The following ADAM17 variants were observed in gnomAD, a reference collection of about 807,000 sequenced individuals.
ADAM17 encodes the protein disintegrin and metalloproteinase domain-containing protein 17.
A neutral mutation model predicts 96.7 loss-of-function variants in ADAM17; 39 were observed. That is an observed-to-expected ratio of 0.40 (90% CI 0.31 to 0.53). The LOEUF (loss-of-function observed/expected upper bound fraction) is 0.53, where lower values mean the gene tolerates loss of function less well. Among genes scored for constraint, ADAM17 ranks in the 20% least tolerant of loss-of-function variants. The pLI is 0.44. For missense variants in ADAM17, 777 were observed against 1,013.2 expected, an observed-to-expected ratio of 0.77 and a Z score of 3.17; for synonymous variants, 344 against 359.2, an observed-to-expected ratio of 0.96 and a Z score of 0.48.
intron 6 of ADAM17, 65 bp downstream of exon 6, chr2:9,526,046 A>G (rs1664510287): frequency 8.4e-6 from 12 of 1,424,132 alleles, no homozygotes; most frequent in Non-Finnish European, 1.0e-5. Flanking sequence ...GGTTGCATTA[A>G]GTTTCATGGA....
chr2:9,531,659 G>A (rs947330656), intron 4 of ADAM17, among the ~76,000 whole-genome samples: 10 of 152,098 alleles, frequency 6.6e-5, no homozygotes, highest in South Asian at 4.1e-4. Flanking sequence ...CCGAGATTGC[G>A]CCACTGCACT....
intron 1 of ADAM17, among the ~76,000 whole-genome samples, chr2:9,552,379 A>G (rs1392430519): frequency 6.6e-6 from 1 of 152,246 alleles, no homozygotes; most frequent in South Asian, 2.1e-4. Context: ...CTCTTAGACT[A>G]ATATAAAGCA....
At chr2:9,548,002 G>A (rs1477504012) in intron 1 of ADAM17, among the ~76,000 whole-genome samples, 3 of 152,084 alleles carry the variant, frequency 2.0e-5, no homozygotes, top group Admixed American at 6.6e-5. Context: ...AGGAGGCAGA[G>A]GTTGCAGTGA....
chr2:9,490,065 A>G lies in ADAM17; in HGVS notation c.*112T>C. ...CTGCAGGAAGTTCAAACACATGACCAGCATCTGCTAAGTCACTTCCCAGTC... is the reference window on the plus strand; with the variant it reads ...CTGCAGGAAGTTCAAACACATGACCGGCATCTGCTAAGTCACTTCCCAGTC... On this transcript the variant is annotated 3_prime_UTR_variant, in exon 19 of 19. Transcript: ENST00000310823. The G allele has an allele frequency of 9.9e-7, 1 of 1,009,398 alleles. No individual in the cohort carries two copies. The allele number at this position is 1,009,398 out of a possible 1,614,324, so 62.5% of individuals were successfully genotyped here. A position where few individuals can be genotyped will look rare whatever the true frequency, so the allele number is the denominator to read the frequency against.
At chr2:9,491,506 C>T (rs1262102927) in intron 17 of ADAM17, among the ~76,000 whole-genome samples, 1 of 152,232 alleles carries the variant, frequency 6.6e-6, no homozygotes, top group Non-Finnish European at 1.5e-5. Flanking sequence ...TACACCAGGA[C>T]CGCACTGACT....
intron 10 of ADAM17, among the ~76,000 whole-genome samples, chr2:9,515,080 CTA>C (rs1295684761): frequency 1.2e-4 from 19 of 152,100 alleles, no homozygotes; most frequent in African/African-American, 4.6e-4. Flanking sequence ...GCTGTATATT[CTA>C]TGTGTTTCAA....
intron 1 of ADAM17, among the ~76,000 whole-genome samples, chr2:9,554,943 A>G (rs977993062): frequency 1.1e-4 from 16 of 152,126 alleles, no homozygotes; most frequent in African/African-American, 2.2e-4. Context: ...ATAAGCTACA[A>G]TTGAAATAAC....
intron 11 of ADAM17, chr2:9,506,934 T>C (rs969314840): frequency 6.6e-6 from 1 of 152,146 alleles, no homozygotes; most frequent in African/African-American, 2.4e-5. Flanking sequence ...TCCCTGAAGA[T>C]CTGGCAGCTT....
intron 2 of ADAM17, among the ~76,000 whole-genome samples, chr2:9,538,559 T>C (rs1005430608): frequency 1.6e-4 from 25 of 152,238 alleles, no homozygotes; most frequent in Admixed American, 8.5e-4. Context: ...AGCATACTTA[T>C]TATAAATGTC....
chr2:9,509,127 C>T (rs1170001658), intron 11 of ADAM17, among the ~76,000 whole-genome samples: 1 of 152,066 alleles, frequency 6.6e-6, no homozygotes, highest in Non-Finnish European at 1.5e-5. Context: ...GCACATTAGC[C>T]CACAGCCAAG....
At chr2:9,516,909 T>C (rs1664086799) in intron 10 of ADAM17, among the ~76,000 whole-genome samples, 1 of 152,156 alleles carries the variant, frequency 6.6e-6, no homozygotes, top group African/African-American at 2.4e-5. Flanking sequence ...CCACATTCCG[T>C]TGAGGCTAAG....
At chr2:9,504,007 T>C (rs544866556) in intron 12 of ADAM17, among the ~76,000 whole-genome samples, 118 of 151,380 alleles carry the variant, frequency 7.8e-4, no homozygotes, top group African/African-American at 2.8e-3. Context: ...ACAAAAAAAA[T>C]TAGCCAGGTG....
intron 12 of ADAM17, among the ~76,000 whole-genome samples, 184 bp downstream of exon 12, chr2:9,504,982 G>A (rs973915931): frequency 6.6e-6 from 1 of 152,168 alleles, no homozygotes; most frequent in African/African-American, 2.4e-5. Context: ...GGGATGACAG[G>A]AGTGAGCCAC....
At chr2:9,514,520 T>TAA (rs1360536732) in intron 10 of ADAM17, among the ~76,000 whole-genome samples, 11 of 2,742 alleles carry the variant, frequency 4.0e-3, no homozygotes, top group Admixed American at 6.5e-3. Context: ...AAAATATAAA[T>TAA]ATATATATAT....
chr2:9,502,028 A>T (rs1478431054), intron 13 of ADAM17, 145 bp downstream of exon 13: 2 of 707,802 alleles, frequency 2.8e-6, no homozygotes, highest in Non-Finnish European at 4.8e-6. Context: ...GCCAAGTGTC[A>T]CAAACTAAGG....
intron 13 of ADAM17, 109 bp downstream of exon 13, chr2:9,502,064 T>G: frequency 2.6e-5 from 25 of 976,802 alleles, no homozygotes; most frequent in Non-Finnish European, 3.9e-5. Context: ...ACCCGGCATA[T>G]GAGATTAAAA....
intron 4 of ADAM17, among the ~76,000 whole-genome samples, chr2:9,533,333 G>A (rs1171698704): frequency 6.6e-6 from 1 of 152,150 alleles, no homozygotes; most frequent in African/African-American, 2.4e-5. Context: ...CAGATCATGA[G>A]GTCAGGAGAT....
In ADAM17 at chr2:9,490,210, C is replaced by G. The variant is rs1662007729; in HGVS notation, c.2442G>C (p.Gln814His). 1.1e-5 allele frequency: 17 copies of G among 1,599,720 alleles called. No homozygotes were observed. The highest frequency in any genetic ancestry group is 1.5e-5 in the Non-Finnish European group (17 of 1,167,702). Residue 814 changes from glutamine (Q) to histidine (H), a missense_variant, in exon 19 of 19, where the codon CAG becomes CAC. Gln to His is a conservative substitution (Grantham distance 24, BLOSUM62 0). This residue lies in a region of ADAM17 where 197 missense variants were observed against 219.4 expected (regional missense o/e 0.90). Coordinates refer to ENST00000310823, the MANE Select transcript of ADAM17 (RefSeq NM_003183.6). ...EKAASFKLQR[Q>H]NRVDSKETEC Reference sequence around the variant, plus strand: ...CTGTTTCTTTGCTGTCAACACGATTCTGACGCTGCAGTTTAAAGGAGGCAG... The same window carrying G: ...CTGTTTCTTTGCTGTCAACACGATTGTGACGCTGCAGTTTAAAGGAGGCAG...
intron 17 of ADAM17, among the ~76,000 whole-genome samples, chr2:9,491,720 T>C (rs1662167430): frequency 6.6e-6 from 1 of 152,208 alleles, no homozygotes; most frequent in East Asian, 1.9e-4. Flanking sequence ...TGCCTGTGGC[T>C]GAAGCATAAT....
Sources: allele counts gnomAD v4.1 joint callset (sites outside exome capture counted in the v4.1 genomes callset), GRCh38; gene constraint gnomAD v4.1.1; regional missense constraint gnomAD v4.1.1; transcripts MANE v1.5; gene names NCBI Gene and HGNC (gene_info 2026-07-23, HGNC 2026-07-21).